The following TRIM9 variants were observed in gnomAD, a reference collection of about 807,000 sequenced individuals.
TRIM9 encodes the protein E3 ubiquitin-protein ligase TRIM9.
A neutral mutation model predicts 78.3 loss-of-function variants in TRIM9; 26 were observed. The ratio of observed to expected loss-of-function variants is 0.33; its 90% confidence interval spans 0.24 to 0.46. The LOEUF (loss-of-function observed/expected upper bound fraction) is 0.46, where lower values mean the gene tolerates loss of function less well. TRIM9 is among the 20% of genes least tolerant of loss of function. TRIM9 has a pLI of 1.00. For synonymous variants in TRIM9, 398 were observed against 416.5 expected (o/e 0.96, Z 0.54); for missense variants, 787 against 1,036.4 (o/e 0.76, Z 3.30).
rs565996710 is a variant in TRIM9 at position 51,012,919 on chromosome 14, G to C, written c.1042-2425C>G. ...GTGTTTTTGTTGTTGAGTTGTAGGA[G>C]TTCTTTATATATTCTGGATATCAGT... On this transcript the variant is annotated intron_variant, in intron 3 of 12. Transcript: ENST00000684578. 3.3e-5 allele frequency among the ~76,000 whole-genome samples: 5 copies of C among 152,268 alleles called. No individual in the cohort carries two copies. In the East Asian group the frequency reaches 9.6e-4, roughly 29 times the overall value.
intron 3 of TRIM9, among the ~76,000 whole-genome samples, chr14:51,015,765 C>T (rs984731304): frequency 6.6e-6 from 1 of 152,000 alleles, no homozygotes. Flanking sequence ...CTTGGCCCCC[C>T]AAAGCATTGG....
chr14:50,987,715 C>T (rs2052901449), intron 7 of TRIM9, among the ~76,000 whole-genome samples: 3 of 152,148 alleles, frequency 2.0e-5, no homozygotes, highest in African/African-American at 2.4e-5. Flanking sequence ...CCAAGCACCA[C>T]AAACTGGCAT....
intron 1 of TRIM9, among the ~76,000 whole-genome samples, chr14:51,044,727 T>C (rs569745091): frequency 1.2e-3 from 184 of 152,312 alleles, no homozygotes; most frequent in African/African-American, 4.1e-3. Flanking sequence ...GAATAAATCA[T>C]GAGTTTAAGC....
At chr14:50,988,219 A>C (rs1596105485) in intron 7 of TRIM9, 1 of 152,244 alleles carries the variant, frequency 6.6e-6, no homozygotes, top group Admixed American at 6.5e-5. Context: ...AAGGACATAT[A>C]AAATAATATG....
chr14:51,091,748 A>G (rs542287148), intron 1 of TRIM9, among the ~76,000 whole-genome samples: 3 of 152,286 alleles, frequency 2.0e-5, no homozygotes, highest in African/African-American at 7.2e-5. Context: ...TTTGGAAAAA[A>G]TGTGCAAAAG....
At chr14:51,020,068 G>A (rs528943090) in intron 3 of TRIM9, among the ~76,000 whole-genome samples, 78 of 152,286 alleles carry the variant, frequency 5.1e-4, no homozygotes, top group African/African-American at 1.7e-3. Context: ...CTCTTTGTCA[G>A]CAAAAAGCAG....
intron 1 of TRIM9, among the ~76,000 whole-genome samples, chr14:51,079,455 G>T (rs2063106654): frequency 6.6e-6 from 1 of 152,070 alleles, no homozygotes. Flanking sequence ...ATATGTCAAT[G>T]GATTCTGTGT....
At position 50,979,547 on chromosome 14, in the gene TRIM9, G is replaced by A. The variant is rs763310865; in HGVS notation, c.2165C>T (p.Thr722Ile). The change falls in exon 12 of 13, where the codon ACT becomes ATT. Residue 722 changes from threonine to isoleucine, a missense_variant and splice_region_variant. Transcript: ENST00000684578. ...FMHNNSHTNR[T>I]EGGITKGATI... ...GGCCCCTTTTGTGATCCCTCCCTCA[G>A]TTCTGTAGGAAAAGAGAAAAATTGG... 1.2e-6 allele frequency: 2 copies of A among 1,612,622 alleles called. No individual in the cohort carries two copies. Among genetic ancestry groups the A allele is most frequent in the South Asian group, 2.2e-5 (2 of 91,028 alleles).
chr14:51,079,587 T>C (rs1446763935), intron 1 of TRIM9, among the ~76,000 whole-genome samples: 1 of 152,204 alleles, frequency 6.6e-6, no homozygotes, highest in Non-Finnish European at 1.5e-5. Context: ...ATTGAGCAAG[T>C]GCATTACAAT....
At chr14:51,046,930 T>C (rs778824636) in intron 1 of TRIM9, among the ~76,000 whole-genome samples, 18 of 152,218 alleles carry the variant, frequency 1.2e-4, no homozygotes, top group Non-Finnish European at 2.5e-4. Flanking sequence ...ATTATAAAGT[T>C]TGAAACAGGT....
At chr14:51,046,297 G>T (rs1461182007) in intron 1 of TRIM9, among the ~76,000 whole-genome samples, 1 of 152,150 alleles carries the variant, frequency 6.6e-6, no homozygotes, top group Non-Finnish European at 1.5e-5. Flanking sequence ...ACTTACACAG[G>T]TGATAGAATC....
chr14:50,998,668 G>A (rs773499769), intron 6 of TRIM9, among the ~76,000 whole-genome samples: 37 of 152,124 alleles, frequency 2.4e-4, no homozygotes, highest in Admixed American at 2.6e-4. Context: ...TTAGAACTCC[G>A]CTGATAACTT....
chr14:51,009,438 T>C (rs1429514289), intron 4 of TRIM9, among the ~76,000 whole-genome samples: 1 of 152,164 alleles, frequency 6.6e-6, no homozygotes, highest in African/African-American at 2.4e-5. Context: ...TTTTGTGAGT[T>C]GGGGGGCACT....
chr14:51,044,282 G>A (rs1242706267), intron 1 of TRIM9, among the ~76,000 whole-genome samples: 1 of 152,140 alleles, frequency 6.6e-6, no homozygotes, highest in African/African-American at 2.4e-5. Context: ...AATTGTTGCA[G>A]GGGCTACCAA....
chr14:51,039,677 C>T (rs776086784), intron 1 of TRIM9, among the ~76,000 whole-genome samples: 9 of 151,874 alleles, frequency 5.9e-5, no homozygotes, highest in African/African-American at 7.3e-5. Context: ...GGTGGTTACA[C>T]GAATAATTTT....
At chr14:51,091,221 G>C (rs2064285283) in intron 1 of TRIM9, 1 of 152,116 alleles carries the variant, frequency 6.6e-6, no homozygotes, top group Admixed American at 6.5e-5. Context: ...CTGGCCAGTT[G>C]AAAACTAGTG....
At chr14:50,983,325 G>A in intron 9 of TRIM9, 55 bp downstream of exon 9, 1 of 1,391,608 alleles carries the variant, frequency 7.2e-7, no homozygotes, top group Non-Finnish European at 9.8e-7. Flanking sequence ...TTTTGTGAAG[G>A]AAATTGAGCA....
At chr14:51,075,001 G>A (rs1453698997) in intron 1 of TRIM9, among the ~76,000 whole-genome samples, 4 of 152,174 alleles carry the variant, frequency 2.6e-5, no homozygotes, top group Non-Finnish European at 4.4e-5. Context: ...AACAGGCAGC[G>A]GACATTTTTA....
At chr14:51,077,591 G>A (rs374307772) in intron 1 of TRIM9, among the ~76,000 whole-genome samples, 22 of 151,856 alleles carry the variant, frequency 1.4e-4, no homozygotes, top group Admixed American at 7.2e-4. Flanking sequence ...ATGGGGTTTC[G>A]CCATGTTGAC....
Sources: gnomAD v4.1 joint callset for allele counts (sites outside exome capture counted in the v4.1 genomes callset) on GRCh38, gnomAD v4.1.1 for gene constraint, MANE v1.5 for transcripts, NCBI Gene and HGNC (gene_info 2026-07-23, HGNC 2026-07-21) for gene names.